The following ALDH1L1 variants were observed in gnomAD, a reference collection of about 807,000 sequenced individuals.
ALDH1L1 encodes the protein aldehyde dehydrogenase 1 family member L1, also known as cytosolic 10-formyltetrahydrofolate dehydrogenase.
In ALDH1L1, 68 loss-of-function variants were observed where a neutral mutation model predicts 101.1. That is an observed-to-expected ratio of 0.67 (90% CI 0.55 to 0.82). The LOEUF is 0.82. ALDH1L1 is among the 40% of genes least tolerant of loss of function. The pLI, the probability that ALDH1L1 is intolerant of heterozygous loss-of-function variation, is 0.00. For synonymous variants in ALDH1L1, 486 were observed against 470.8 expected (o/e 1.03, Z -0.42); for missense variants, 1,087 against 1,172.7 (o/e 0.93, Z 1.07).
chr3:126,161,059 C>T (rs2081039208), intron 1 of ALDH1L1, 57 bp from the exon 2 acceptor site: 3 of 1,578,680 alleles, frequency 1.9e-6, no homozygotes, highest in Admixed American at 1.8e-5. Context: ...GAGAAGCCAG[C>T]CCTGGTTCAA....
rs76053576 is a variant in ALDH1L1, at chr3:126,174,058, G to A, written c.-24+6418C>T. ...TCCCCACTAACGTTTTTTTTGGGGGGGCGGAGTTTCACTCTTGTTGCCCAG... is the reference window on the plus strand; with the variant it reads ...TCCCCACTAACGTTTTTTTTGGGGGAGCGGAGTTTCACTCTTGTTGCCCAG... On this transcript the variant is annotated intron_variant, in intron 1 of 22. Transcript: ENST00000393434. Among the ~76,000 whole-genome samples, 2,507 of 152,190 alleles carry A rather than the reference G, an allele frequency of 0.016. 114 individuals are homozygous for A. In the East Asian group the frequency reaches 0.19, roughly 12 times the overall value.
At chr3:126,114,799 C>CCCCCCCCCCCCCCT in intron 17 of ALDH1L1, 143 bp from the exon 18 acceptor site, 1 of 748,472 alleles carries the variant, frequency 1.3e-6, no homozygotes, top group Non-Finnish European at 2.4e-6. Context: ...CCACTCCCCC[C>CCCCCCCCCCCCCCT]CACCCCTTGC....
chr3:126,147,280 T>A (rs1478171012), intron 8 of ALDH1L1, among the ~76,000 whole-genome samples: 2 of 152,136 alleles, frequency 1.3e-5, no homozygotes, highest in African/African-American at 2.4e-5. Flanking sequence ...GCCCAGCTGC[T>A]CCTGACCCCC....
At chr3:126,174,033 T>C (rs2081329067) in intron 1 of ALDH1L1, among the ~76,000 whole-genome samples, 1 of 152,140 alleles carries the variant, frequency 6.6e-6, no homozygotes, top group African/African-American at 2.4e-5. Flanking sequence ...TCTCTGTCAG[T>C]CCCCACTAAC....
upstream of ALDH1L1, chr3:126,180,902 T>A (rs2081464985): frequency 8.1e-6 from 13 of 1,599,198 alleles, no homozygotes; most frequent in Non-Finnish European, 1.0e-5. Flanking sequence ...GAGGAGACCC[T>A]CGCCAAGCCG....
At chr3:126,128,695 C>A (rs2080236515) in intron 14 of ALDH1L1, 1 of 152,360 alleles carries the variant, frequency 6.6e-6, no homozygotes, top group African/African-American at 2.4e-5. Context: ...GGGACCAGGC[C>A]CCAGGGCAGG....
chr3:126,130,117 T>C (rs1475310269), intron 14 of ALDH1L1, 106 bp downstream of exon 14: 4 of 1,056,412 alleles, frequency 3.8e-6, no homozygotes, highest in Admixed American at 3.6e-5. Flanking sequence ...GGCTGTTTGA[T>C]AAATGCACGC....
intron 16 of ALDH1L1, among the ~76,000 whole-genome samples, chr3:126,120,041 G>A (rs1246388889): frequency 1.3e-5 from 2 of 152,234 alleles, no homozygotes; most frequent in Non-Finnish European, 2.9e-5. Flanking sequence ...ACGCAAAATG[G>A]CACAGCCAGT....
upstream of ALDH1L1, chr3:126,180,967 A>T: frequency 6.2e-7 from 1 of 1,610,984 alleles, no homozygotes; most frequent in Non-Finnish European, 8.5e-7. Flanking sequence ...AGTACCTGCC[A>T]TGTGCTACGG....
intron 1 of ALDH1L1, among the ~76,000 whole-genome samples, chr3:126,167,015 A>G (rs1026499958): frequency 2.0e-5 from 3 of 152,212 alleles, no homozygotes; most frequent in South Asian, 2.1e-4. Flanking sequence ...TTAATTTTTT[A>G]TACTTAAAAT....
intron 18 of ALDH1L1, among the ~76,000 whole-genome samples, chr3:126,114,059 TG>T (rs1290090958): frequency 2.6e-5 from 4 of 152,214 alleles, no homozygotes; most frequent in Admixed American, 6.5e-5. Flanking sequence ...TCAGCAGGGC[TG>T]GGCCCAAGTG....
intron 1 of ALDH1L1, among the ~76,000 whole-genome samples, chr3:126,186,598 G>A (rs530815406): frequency 3.9e-5 from 6 of 152,046 alleles, no homozygotes; most frequent in East Asian, 1.9e-4. Context: ...TGGGAGATGC[G>A]GCAACTGTGA....
rs148078953 is a variant in ALDH1L1 at position 126,153,642 on chromosome 3, C to T, written c.721-61G>A. The T allele has an allele frequency of 1.9e-4, 291 of 1,571,478 alleles. 1 individual carries two copies. The African/African-American group carries it at 3.7e-3, about 20-fold the overall frequency. On this transcript the variant is annotated intron_variant, in intron 6 of 22. Coordinates refer to ENST00000393434, the MANE Select transcript of ALDH1L1 (RefSeq NM_012190.4). ...AGAAGAAGCCCCCGAAGCCAGTAGC[C>T]CAGGCAGGTCTGAGCAGGGCTGGGA...
rs755422577 is a variant in ALDH1L1, at chr3:126,158,471, CG to C, written c.295del (p.Arg99GlyfsTer62). ...CGGGTGATAGATGATGGAGCCATGC[CG>C]GGGGGCACTGATTATCTCCATGGGG... The part of the protein sequence containing the change: ...FIPMEIISAP[R>X]HGSIIYHPSL... On this transcript the variant is annotated frameshift_variant, in exon 3 of 23. Transcript: ENST00000393434. LOFTEE classifies it high-confidence loss of function. 4.3e-6 allele frequency: 7 copies of C among 1,613,778 alleles called. No homozygotes were observed. The highest frequency in any genetic ancestry group is 1.3e-5 in the African/African-American group (1 of 75,038).
chr3:126,154,455 C>G, intron 6 of ALDH1L1, 99 bp downstream of exon 6: 1 of 1,238,232 alleles, frequency 8.1e-7, no homozygotes, highest in African/African-American at 1.5e-5. Flanking sequence ...AGGGCAGTAG[C>G]TATTTATTAT....
At chr3:126,139,833 G>A (rs573800533) in intron 9 of ALDH1L1, among the ~76,000 whole-genome samples, 1 of 152,138 alleles carries the variant, frequency 6.6e-6, no homozygotes, top group African/African-American at 2.4e-5. Context: ...AAGGAAAGAT[G>A]AGCAAACTTG....
In ALDH1L1 at chr3:126,109,898, CT is replaced by C. The variant is rs780316276; in HGVS notation, c.2347+45del. 3 of 1,604,158 alleles carry C rather than the reference CT, an allele frequency of 1.9e-6. No homozygotes were observed. The South Asian group carries it at 3.3e-5, about 18-fold the overall frequency. On this transcript the variant is annotated intron_variant, in intron 20 of 22. Coordinates refer to ENST00000393434, the MANE Select transcript of ALDH1L1 (RefSeq NM_012190.4). ...GACAGGGAACCAGAGGCCATGGGAC[CT>C]GCTGCCTCAATTGACCCAAGCGGAC...
intron 1 of ALDH1L1, among the ~76,000 whole-genome samples, chr3:126,175,928 G>C (rs565329672): frequency 6.6e-6 from 1 of 152,222 alleles, no homozygotes; most frequent in South Asian, 2.1e-4. Flanking sequence ...AACATAATTG[G>C]CTATGTGGAA....
intron 15 of ALDH1L1, among the ~76,000 whole-genome samples, 165 bp from the exon 16 acceptor site, chr3:126,124,616 G>C (rs1559928715): frequency 6.6e-6 from 1 of 152,114 alleles, no homozygotes; most frequent in South Asian, 2.1e-4. Context: ...AGGGGGCCCT[G>C]CCTGCCCAGC....
Sources: gnomAD v4.1 joint callset for allele counts (sites outside exome capture counted in the v4.1 genomes callset) on GRCh38, gnomAD v4.1.1 for gene constraint, MANE v1.5 for transcripts, NCBI Gene and HGNC (gene_info 2026-07-23, HGNC 2026-07-21) for gene names.